ABI2: variants seen among roughly 807,000 people sequenced by gnomAD.
ABI2 encodes the protein abl interactor 2.
In ABI2, 25 loss-of-function variants were observed where a neutral mutation model predicts 59.2. The observed-to-expected ratio is 0.42, with a 90% CI of 0.31 to 0.59. ABI2 has a LOEUF of 0.59. Ranked by LOEUF, ABI2 falls within the 20% of genes least tolerant of loss-of-function variation. The pLI, the probability that ABI2 is intolerant of heterozygous loss-of-function variation, is 0.14. For missense variants in ABI2, 545 were observed against 681.8 expected (o/e 0.80, Z 2.23); for synonymous variants, 213 against 235.5 (o/e 0.90, Z 0.87).
intron 1 of ABI2, among the ~76,000 whole-genome samples, chr2:203,350,455 G>T (rs2087126785): frequency 1.3e-5 from 2 of 151,832 alleles, no homozygotes; most frequent in African/African-American, 4.8e-5. Context: ...GCTCAAGCAA[G>T]CCTCCAGCCT....
chr2:203,365,068 A>G (rs2094213177), intron 1 of ABI2, among the ~76,000 whole-genome samples: 1 of 152,236 alleles, frequency 6.6e-6, no homozygotes, highest in South Asian at 2.1e-4. Flanking sequence ...TAATGGAAGT[A>G]ATACATGCCC....
intron 4 of ABI2, among the ~76,000 whole-genome samples, chr2:203,389,567 A>ATTTAT (rs2096659816): frequency 6.6e-6 from 1 of 152,230 alleles, no homozygotes; most frequent in Admixed American, 6.5e-5. Context: ...TTACAGTTAT[A>ATTTAT]AATGTATTCT....
chr2:203,355,828 T>TAA (rs1559201882), intron 1 of ABI2, among the ~76,000 whole-genome samples: 5 of 43,302 alleles, frequency 1.2e-4, no homozygotes, highest in Admixed American at 2.9e-4. Flanking sequence ...CAAAACTGTC[T>TAA]CAAAAAAAAA....
chr2:203,393,306 C>T (rs1322573067), intron 5 of ABI2, among the ~76,000 whole-genome samples: 11 of 152,216 alleles, frequency 7.2e-5, no homozygotes, highest in South Asian at 2.1e-4. Flanking sequence ...CTGCCTGCCC[C>T]GGCCTCCCGA....
At chr2:203,412,157 C>T (rs1057475889) in intron 10 of ABI2, among the ~76,000 whole-genome samples, 1 of 152,226 alleles carries the variant, frequency 6.6e-6, no homozygotes, top group African/African-American at 2.4e-5. Context: ...GGATGGATGA[C>T]TTCACTGGTG....
At chr2:203,345,039 C>G (rs1428742865) in intron 1 of ABI2, among the ~76,000 whole-genome samples, 1 of 152,278 alleles carries the variant, frequency 6.6e-6, no homozygotes, top group Non-Finnish European at 1.5e-5. Context: ...CTGCCGGAGC[C>G]CGCAGTGGCA....
At position 203,396,937 on chromosome 2, in the gene ABI2, C is replaced by T; in HGVS notation, c.1003C>T (p.Pro335Ser). ...TLADGFTSPT[P>S]PVVSSTPPTG... ...TGCTGATGGCTTCACTTCTCCAACTCCCCCTGTTGTTTCTTCCACTCCCCC... is the reference window on the plus strand; with the variant it reads ...TGCTGATGGCTTCACTTCTCCAACTTCCCCTGTTGTTTCTTCCACTCCCCC... The change falls in exon 8 of 12, where the codon CCC (proline) becomes TCC (serine). Residue 335 changes from proline (P) to serine (S), a missense_variant. Around this residue, in one of 4 missense-constraint regions of ABI2, gnomAD observed 410 missense variants for 435.6 expected, o/e 0.94. Coordinates refer to ENST00000261018, the MANE Select transcript of ABI2 (RefSeq NM_001375670.1). 4.0e-6 allele frequency: 6 copies of T among 1,515,044 alleles called. No individual in the cohort carries two copies. The highest frequency in any genetic ancestry group is 5.3e-6 in the Non-Finnish European group (6 of 1,138,248). The allele number at this position is 1,515,044 out of a possible 1,614,324, so 93.9% of individuals were successfully genotyped here.
chr2:203,410,238 C>T (rs1290962195), intron 9 of ABI2, among the ~76,000 whole-genome samples: 1 of 152,130 alleles, frequency 6.6e-6, no homozygotes, highest in Non-Finnish European at 1.5e-5. Flanking sequence ...ATCATGTATT[C>T]TTCTGTTTCA....
chr2:203,328,940 AG>A, intron 1 of ABI2: 1 of 238,982 alleles, frequency 4.2e-6, no homozygotes, highest in Non-Finnish European at 8.0e-6. Context: ...CGGATGGCGG[AG>A]GGGGCGGAGA....
intron 5 of ABI2, among the ~76,000 whole-genome samples, chr2:203,392,305 C>G (rs1232389992): frequency 1.0e-5 from 1 of 97,896 alleles, no homozygotes; most frequent in Non-Finnish European, 2.3e-5. Context: ...ACCACCACCA[C>G]CACCACCACC....
Position 203,419,106 on chromosome 2 carries a change from C to CTT in ABI2, c.1453+2044_1453+2045dup, listed in dbSNP as rs748788810. On this transcript the variant is annotated intron_variant, in intron 11 of 11. Coordinates refer to ENST00000261018, the MANE Select transcript of ABI2 (RefSeq NM_001375670.1). ...AAAATATCCTTCCTAAATTAAAGAT[C>CTT]TTTTTTTTTTTTTTTTTTTTGAGAC... 3.6e-3 allele frequency among the ~76,000 whole-genome samples: 452 copies of CTT among 126,270 alleles called. 7 individuals are homozygous for CTT. The highest frequency in any genetic ancestry group is 0.011 in the African/African-American group (367 of 32,364). 82.8% of individuals were successfully genotyped at this position (126,270 alleles called of 152,430 possible). A position where few individuals can be genotyped will look rare whatever the true frequency, so the allele number is the denominator to read the frequency against.
intron 11 of ABI2, among the ~76,000 whole-genome samples, 163 bp downstream of exon 11, chr2:203,417,244 C>G (rs2097933035): frequency 6.6e-6 from 1 of 152,116 alleles, no homozygotes; most frequent in Non-Finnish European, 1.5e-5. Context: ...GAAAGTTACA[C>G]TAGTAAAATT....
chr2:203,356,848 ATT>A (rs10711758), intron 1 of ABI2, among the ~76,000 whole-genome samples: 97 of 149,328 alleles, frequency 6.5e-4, no homozygotes, highest in African/African-American at 7.6e-4. Context: ...GTTTTACACA[ATT>A]TTTTTTTTTT....
intron 2 of ABI2, among the ~76,000 whole-genome samples, chr2:203,369,280 C>G (rs1380901912): frequency 6.6e-6 from 1 of 151,806 alleles, no homozygotes; most frequent in Non-Finnish European, 1.5e-5. Flanking sequence ...AAAAAAAGAA[C>G]AAATATAGAA....
chr2:203,427,118 T>A, intron 11 of ABI2, 59 bp from the exon 12 acceptor site: 5 of 1,499,438 alleles, frequency 3.3e-6, no homozygotes, highest in Non-Finnish European at 1.8e-6. Flanking sequence ...CTGGCTTGGT[T>A]CTGTCTTTCT....
At chr2:203,363,310 C>G (rs1197065369) in intron 1 of ABI2, among the ~76,000 whole-genome samples, 1 of 152,124 alleles carries the variant, frequency 6.6e-6, no homozygotes, top group Non-Finnish European at 1.5e-5. Context: ...AACAATCCAA[C>G]TATACTCTCA....
chr2:203,394,559 G>C, intron 5 of ABI2, 141 bp from the exon 6 acceptor site: 1 of 759,274 alleles, frequency 1.3e-6, no homozygotes, highest in East Asian at 2.6e-5. Flanking sequence ...CATTAGTAAA[G>C]ACTGAAATTG....
intron 9 of ABI2, among the ~76,000 whole-genome samples, chr2:203,408,826 C>CTGTTT: frequency 1.2e-5 from 1 of 85,956 alleles, no homozygotes; most frequent in African/African-American, 3.4e-5. Context: ...ATGCTACCTT[C>CTGTTT]TCCTTTCTTT....
intron 8 of ABI2, among the ~76,000 whole-genome samples, chr2:203,397,395 CAG>C (rs1402561862): frequency 6.6e-6 from 1 of 152,104 alleles, no homozygotes; most frequent in African/African-American, 2.4e-5. Context: ...CTATTTTTAA[CAG>C]AATCTGTTGC....
Sources: gnomAD v4.1 joint callset for allele counts (sites outside exome capture counted in the v4.1 genomes callset) on GRCh38, gnomAD v4.1.1 for gene constraint, gnomAD v4.1.1 regional missense constraint, MANE v1.5 for transcripts, NCBI Gene and HGNC (gene_info 2026-07-23, HGNC 2026-07-21) for gene names.